The following SLC35D4 variants were observed in gnomAD, a reference collection of about 807,000 sequenced individuals.
SLC35D4 encodes the protein solute carrier family 35 member D4, also known as UDP-N-acetylglucosamine transporter SLC35D4.
the SLC35D4 span, among the ~76,000 whole-genome samples, chr18:23,412,174 C>T: frequency 6.6e-6 from 1 of 152,136 alleles, no homozygotes; most frequent in African/African-American, 2.4e-5. Flanking sequence ...ACGAAATTAG[C>T]CAGGCATGGT....
the SLC35D4 span, among the ~76,000 whole-genome samples, chr18:23,433,278 T>A: frequency 6.6e-6 from 1 of 152,164 alleles, no homozygotes; most frequent in Non-Finnish European, 1.5e-5. Flanking sequence ...TGTCTTGGTC[T>A]CTCAAAGTGC....
chr18:23,252,425 T>C, the SLC35D4 span, among the ~76,000 whole-genome samples: 1 of 152,186 alleles, frequency 6.6e-6, no homozygotes, highest in Admixed American at 6.5e-5. Context: ...AGCTAACATG[T>C]ATTGAGCACT....
chr18:23,314,637 C>T, the SLC35D4 span, among the ~76,000 whole-genome samples: 1 of 152,218 alleles, frequency 6.6e-6, no homozygotes, highest in Non-Finnish European at 1.5e-5. Context: ...TTTCAATTTA[C>T]TCTTGCAACT....
At chr18:23,317,410 A>G in the SLC35D4 span, among the ~76,000 whole-genome samples, 1 of 152,190 alleles carries the variant, frequency 6.6e-6, no homozygotes, top group Non-Finnish European at 1.5e-5. Context: ...GAAACAAGGC[A>G]TCATGATCAC....
At chr18:23,400,774 C>T in the SLC35D4 span, among the ~76,000 whole-genome samples, 1 of 152,296 alleles carries the variant, frequency 6.6e-6, no homozygotes, top group African/African-American at 2.4e-5. Flanking sequence ...TGGAATGATG[C>T]CTGCTCAAGA....
the SLC35D4 span, among the ~76,000 whole-genome samples, chr18:23,395,190 G>C: frequency 6.6e-6 from 1 of 151,974 alleles, no homozygotes; most frequent in Non-Finnish European, 1.5e-5. Context: ...GCAGTAACAG[G>C]GACATTAGGG....
At chr18:23,374,258 G>A in the SLC35D4 span, among the ~76,000 whole-genome samples, 1 of 152,160 alleles carries the variant, frequency 6.6e-6, no homozygotes, top group African/African-American at 2.4e-5. Flanking sequence ...GATCCACATT[G>A]TGTGCCTCTT....
At chr18:23,374,250 T>C in the SLC35D4 span, among the ~76,000 whole-genome samples, 1 of 152,170 alleles carries the variant, frequency 6.6e-6, no homozygotes, top group African/African-American at 2.4e-5. Context: ...ATGAGGCAGA[T>C]CCACATTGTG....
At chr18:23,371,358 G>A in the SLC35D4 span, 1 of 1,348,740 alleles carries the variant, frequency 7.4e-7, no homozygotes, top group Non-Finnish European at 9.9e-7. Flanking sequence ...GCCTCCCAAA[G>A]TGCTGGGATT....
chr18:23,280,846 C>T, the SLC35D4 span, among the ~76,000 whole-genome samples: 1 of 152,242 alleles, frequency 6.6e-6, no homozygotes, highest in South Asian at 2.1e-4. Context: ...GACCATGCCC[C>T]CCCGTCTCCT....
chr18:23,350,570 T>C, the SLC35D4 span, among the ~76,000 whole-genome samples: 1 of 152,196 alleles, frequency 6.6e-6, no homozygotes, highest in African/African-American at 2.4e-5. Context: ...CTGGGACATA[T>C]TAAAAAAAAT....
the SLC35D4 span, among the ~76,000 whole-genome samples, chr18:23,414,974 T>C: frequency 6.6e-6 from 1 of 152,112 alleles, no homozygotes; most frequent in African/African-American, 2.4e-5. Context: ...TTAGCCAGCA[T>C]GATGGCTCAC....
the SLC35D4 span, among the ~76,000 whole-genome samples, chr18:23,284,683 T>C: frequency 6.6e-6 from 1 of 152,236 alleles, no homozygotes; most frequent in Non-Finnish European, 1.5e-5. Flanking sequence ...TGACTCAGAA[T>C]AAACCTCTTT....
chr18:23,384,989 C>T, the SLC35D4 span: 1 of 1,613,356 alleles, frequency 6.2e-7, no homozygotes. Context: ...TGATCGTTTA[C>T]CTCTTTCTGA....
chr18:23,356,369 G>A, the SLC35D4 span, among the ~76,000 whole-genome samples: 1 of 152,172 alleles, frequency 6.6e-6, no homozygotes, highest in Non-Finnish European at 1.5e-5. The surrounding 1 kb of genome is among the most constrained non-coding windows in gnomAD (Gnocchi z 4.1). Context: ...CTTGGCGGAG[G>A]GACTTCCATG....
the SLC35D4 span, among the ~76,000 whole-genome samples, chr18:23,355,437 C>T: frequency 6.2e-4 from 95 of 152,236 alleles, no homozygotes; most frequent in Middle Eastern, 6.8e-3. Flanking sequence ...CCGCCCAGCA[C>T]GAAGACTCAT....
the SLC35D4 span, among the ~76,000 whole-genome samples, chr18:23,367,044 A>G: frequency 6.6e-6 from 1 of 152,098 alleles, no homozygotes; most frequent in Admixed American, 6.5e-5. Flanking sequence ...CTTTTTGGTT[A>G]TAACTTCAGG....
chr18:23,347,711 C>T, the SLC35D4 span, among the ~76,000 whole-genome samples: 2 of 152,216 alleles, frequency 1.3e-5, no homozygotes, highest in Non-Finnish European at 2.9e-5. Flanking sequence ...AGGCATGAGC[C>T]ACCATGCCTG....
chr18:23,270,201 C>A, the SLC35D4 span, among the ~76,000 whole-genome samples: 3 of 152,178 alleles, frequency 2.0e-5, no homozygotes, highest in African/African-American at 7.2e-5. Context: ...CTAGCCATGG[C>A]TAAAAGGGGC....
Sources: allele counts gnomAD v4.1 joint callset (sites outside exome capture counted in the v4.1 genomes callset), GRCh38; gene constraint gnomAD v4.1.1; non-coding constraint Gnocchi (gnomAD v3.1); transcripts MANE v1.5; gene names NCBI Gene and HGNC (gene_info 2026-07-23, HGNC 2026-07-21).